DIS3L2: variants seen among roughly 807,000 people sequenced by gnomAD.
DIS3L2 encodes DIS3 like 3'-5' exoribonuclease 2, also known as DIS3-like exonuclease 2.
Under a neutral mutation model 97.5 loss-of-function variants are expected in DIS3L2, and 34 were observed. That is an observed-to-expected ratio of 0.35 (90% CI 0.27 to 0.46). The LOEUF (loss-of-function observed/expected upper bound fraction) is 0.46, where lower values mean the gene tolerates loss of function less well. DIS3L2 is among the 20% of genes least tolerant of loss of function. DIS3L2 has a pLI of 1.00. For missense variants in DIS3L2, 1,038 were observed against 1,146.0 expected, an observed-to-expected ratio of 0.91 and a Z score of 1.36; for synonymous variants, 435 against 445.2, an observed-to-expected ratio of 0.98 and a Z score of 0.29.
intron 8 of DIS3L2, among the ~76,000 whole-genome samples, chr2:232,161,028 C>G (rs1312134395): frequency 6.6e-6 from 1 of 152,082 alleles, no homozygotes; most frequent in Admixed American, 6.5e-5. Flanking sequence ...AGCGTTTCTC[C>G]TGTCTAAGCC....
At chr2:232,277,339 C>T (rs915562680) in intron 13 of DIS3L2, among the ~76,000 whole-genome samples, 25 of 152,160 alleles carry the variant, frequency 1.6e-4, no homozygotes, top group African/African-American at 5.3e-4. Context: ...GCATCACACC[C>T]GCTAACGTTG....
At chr2:232,239,111 C>T (rs1217065256) in intron 11 of DIS3L2, among the ~76,000 whole-genome samples, 12 of 152,158 alleles carry the variant, frequency 7.9e-5, no homozygotes, top group Non-Finnish European at 1.6e-4. Flanking sequence ...ATGGGAGTCT[C>T]CGAGATGGAA....
intron 10 of DIS3L2, among the ~76,000 whole-genome samples, chr2:232,235,541 TG>T (rs758807468): frequency 2.0e-5 from 3 of 152,266 alleles, no homozygotes; most frequent in Non-Finnish European, 4.4e-5. Flanking sequence ...GAATATGTTT[TG>T]ATTGGCCTTC....
chr2:232,270,288 A>G (rs925526870), intron 13 of DIS3L2, among the ~76,000 whole-genome samples: 3 of 152,214 alleles, frequency 2.0e-5, no homozygotes, highest in Admixed American at 2.0e-4. Context: ...ATAATCACCT[A>G]TAGTCCCATC....
intron 1 of DIS3L2, among the ~76,000 whole-genome samples, chr2:231,981,595 ATT>A (rs1255437826): frequency 2.5e-5 from 1 of 40,494 alleles, no homozygotes; most frequent in African/African-American, 7.5e-5. Flanking sequence ...ACTGTTAAGT[ATT>A]TTATATATAT....
At chr2:232,144,594 C>T (rs1210639243) in intron 8 of DIS3L2, among the ~76,000 whole-genome samples, 1 of 151,978 alleles carries the variant, frequency 6.6e-6, no homozygotes, top group Non-Finnish European at 1.5e-5. Flanking sequence ...CTTACATGAC[C>T]ATGGAATACT....
At chr2:232,329,786 C>CCCCGGGGGGGGGG in intron 14 of DIS3L2, 27 bp from the exon 15 acceptor site, 11 of 430,222 alleles carry the variant, frequency 2.6e-5, no homozygotes, top group Non-Finnish European at 4.2e-5. Flanking sequence ...CCCCAGCGGT[C>CCCCGGGGGGGGGG]CCTCCCATCC....
At chr2:232,030,144 C>A in intron 5 of DIS3L2, 64 bp downstream of exon 5, 4 of 1,406,778 alleles carry the variant, frequency 2.8e-6, no homozygotes, top group African/African-American at 1.4e-5. Flanking sequence ...CATGGTGCAC[C>A]AACAAGGCAT....
chr2:232,325,819 G>A lies in DIS3L2; in HGVS notation c.1740-3994G>A, dbSNP rs1371028511. Among the ~76,000 whole-genome samples the A allele has an allele frequency of 3.3e-5, 5 of 152,188 alleles. No homozygotes were observed. The highest frequency in any genetic ancestry group is 7.4e-5 in the Non-Finnish European group (5 of 68,008). ...CCCCCGCAGGGCCCAGTGATCTCAC[G>A]CCTGTGCCCCTGGTGCTGGGAGGAG... On this transcript the variant is annotated intron_variant, in intron 14 of 20. Coordinates refer to ENST00000325385, the MANE Select transcript of DIS3L2 (RefSeq NM_152383.5). The surrounding 1 kb of genome is among the most constrained non-coding windows in gnomAD (Gnocchi z 4.6).
chr2:232,343,660 T>A, exon 14 of DIS3L2: 1 of 1,410,208 alleles, frequency 7.1e-7, no homozygotes, highest in Non-Finnish European at 9.7e-7. Flanking sequence ...GCCAGACTTC[T>A]AAAAGGTCCA....
At chr2:232,163,827 A>G (rs548609143) in intron 9 of DIS3L2, among the ~76,000 whole-genome samples, 195 bp downstream of exon 9, 2 of 152,344 alleles carry the variant, frequency 1.3e-5, no homozygotes, top group East Asian at 1.9e-4. Context: ...TGTACAACCC[A>G]TGAGCTAAGA....
At chr2:232,168,196 A>G (rs1335969472) in intron 9 of DIS3L2, among the ~76,000 whole-genome samples, 1 of 152,240 alleles carries the variant, frequency 6.6e-6, no homozygotes, top group Non-Finnish European at 1.5e-5. Context: ...AAAAAATGTT[A>G]TCTTTAAAAT....
Position 232,334,542 on chromosome 2 carries a change from C to A in DIS3L2, c.2289+43C>A, listed in dbSNP as rs570385079. The A allele has an allele frequency of 5.0e-6, 8 of 1,610,088 alleles. No homozygotes were observed. The African/African-American group carries it at 9.3e-5, about 19-fold the overall frequency. The stretch of plus-strand genomic sequence containing the variant: ...GTGCCCCTCACCTCCCTCTGGCTCC[C>A]GACCCTCCTGGGCACCTGCTCACCA... On this transcript the variant is annotated intron_variant, in intron 18 of 20. Coordinates refer to ENST00000325385, the MANE Select transcript of DIS3L2 (RefSeq NM_152383.5).
At chr2:232,297,109 G>A (rs1314588291) in intron 13 of DIS3L2, among the ~76,000 whole-genome samples, 2 of 152,154 alleles carry the variant, frequency 1.3e-5, no homozygotes, top group Non-Finnish European at 2.9e-5. Flanking sequence ...CAACGCCACT[G>A]CACCTCCGTA....
At chr2:231,978,478 C>T (rs1212905264) in intron 1 of DIS3L2, 1 of 152,150 alleles carries the variant, frequency 6.6e-6, no homozygotes, top group South Asian at 2.1e-4. Context: ...TGCAAATAAT[C>T]GTGGGCTGCT....
chr2:232,337,258 C>T (rs887394446), downstream of DIS3L2: 131 of 941,026 alleles, frequency 1.4e-4, no homozygotes, highest in Non-Finnish European at 1.6e-4. Flanking sequence ...TGTGTCCAAC[C>T]CTGCCCCCAC....
At position 232,140,844 on chromosome 2, in the gene DIS3L2, A is replaced by G. The variant is rs182038404; in HGVS notation, c.950+4125A>G. On this transcript the variant is annotated intron_variant, in intron 8 of 20. Transcript: ENST00000325385. ...CTATCTTGTTCTTAGAATTGTCATG[A>G]GAGATCTCAGTTGAACCTTGTTCAC... is the stretch of plus-strand genomic sequence containing the variant. Among the ~76,000 whole-genome samples the G allele has an allele frequency of 2.1e-3, 320 of 152,314 alleles. 1 individual carries two copies. The highest frequency in any genetic ancestry group is 7.3e-3 in the African/African-American group (303 of 41,582).
At chr2:232,136,943 T>C (rs1698377201) in intron 8 of DIS3L2, among the ~76,000 whole-genome samples, 1 of 152,216 alleles carries the variant, frequency 6.6e-6, no homozygotes, top group Non-Finnish European at 1.5e-5. Flanking sequence ...TTTTTGTTTT[T>C]TGGCGTAAAA....
At chr2:232,343,701 T>G in exon 14 of DIS3L2, 1 of 1,074,092 alleles carries the variant, frequency 9.3e-7, no homozygotes, top group East Asian at 2.6e-5. Context: ...GGGTGCTGAT[T>G]TTGTGGAAAA....
Sources: gnomAD v4.1 joint callset for allele counts (sites outside exome capture counted in the v4.1 genomes callset) on GRCh38, gnomAD v4.1.1 for gene constraint, Gnocchi (gnomAD v3.1) non-coding constraint, MANE v1.5 for transcripts, NCBI Gene and HGNC (gene_info 2026-07-23, HGNC 2026-07-21) for gene names.